The following NSFL1C variants were observed in gnomAD, a reference collection of about 807,000 sequenced individuals.
NSFL1C encodes the protein NSFL1 cofactor.
A neutral mutation model predicts 43.1 loss-of-function variants in NSFL1C; 14 were observed. The observed-to-expected ratio is 0.32, with a 90% CI of 0.21 to 0.51. NSFL1C has a LOEUF of 0.51. NSFL1C is among the 20% of genes least tolerant of loss of function. NSFL1C has a pLI of 0.98. For missense variants in NSFL1C, 406 were observed against 472.5 expected, an observed-to-expected ratio of 0.86 and a Z score of 1.30; for synonymous variants, 171 against 183.5, an observed-to-expected ratio of 0.93 and a Z score of 0.55.
At chr20:1,456,373 A>G (rs2090300451) in intron 3 of NSFL1C, 1 of 152,474 alleles carries the variant, frequency 6.6e-6, no homozygotes, top group South Asian at 2.1e-4. Context: ...AAATTAACAT[A>G]TATTTTTATA....
chr20:1,444,032 T>A, intron 8 of NSFL1C, 121 bp from the exon 9 acceptor site: 1 of 1,080,682 alleles, frequency 9.3e-7, no homozygotes, highest in Non-Finnish European at 1.3e-6. Context: ...CAGCGAAAGC[T>A]ACGCTCAGGC....
At chr20:1,456,248 G>T (rs577559485) in intron 3 of NSFL1C, 1 of 154,746 alleles carries the variant, frequency 6.5e-6, no homozygotes, top group South Asian at 2.0e-4. Context: ...TGAAATAAAG[G>T]AAGGTCACTG....
chr20:1,443,566 A>G lies in NSFL1C; in HGVS notation c.*183T>C. 1.9e-6 allele frequency: 1 copy of G among 532,966 alleles called. No homozygotes were observed. The highest frequency in any genetic ancestry group is 3.3e-6 in the Non-Finnish European group (1 of 306,842). 33.0% of individuals were successfully genotyped at this position (532,966 alleles called of 1,614,324 possible). A position where few individuals can be genotyped will look rare whatever the true frequency, so the allele number is the denominator to read the frequency against. ...TTAAAGTCCATTGATCATCACAAAA[A>G]CCCAGGAAATGCAACTAAGGAGAAA... On this transcript the variant is annotated 3_prime_UTR_variant, in exon 9 of 9. Coordinates refer to ENST00000216879, the MANE Select transcript of NSFL1C (RefSeq NM_016143.5).
chr20:1,458,626 T>C (rs1201657890), intron 2 of NSFL1C, among the ~76,000 whole-genome samples: 3 of 151,826 alleles, frequency 2.0e-5, no homozygotes, highest in Non-Finnish European at 4.4e-5. Flanking sequence ...CAGACTTAAG[T>C]AGTACAGACA....
intron 7 of NSFL1C, among the ~76,000 whole-genome samples, chr20:1,447,179 C>T (rs2090076750): frequency 6.6e-6 from 1 of 152,210 alleles, no homozygotes; most frequent in South Asian, 2.1e-4. Context: ...GAAGCTGCTT[C>T]TCTGCATCAG....
chr20:1,455,038 C>T lies in NSFL1C; in HGVS notation c.373G>A (p.Gly125Ser). 6.2e-7 allele frequency: 1 copy of T among 1,614,156 alleles called. No individual in the cohort carries two copies. The highest frequency in any genetic ancestry group is 1.1e-5 in the South Asian group (1 of 91,076). The stretch of plus-strand genomic sequence containing the variant: ...GCTACAGCTCCATGCTCTTTGGCAC[C>T]TTTAAAGAGATCATCCACCAGCTCG... ...PNELVDDLFK[G>S]AKEHGAVAVE... is the part of the protein sequence containing the mutation. The change falls in exon 4 of 9, where the codon GGT becomes AGT. Residue 125 changes from glycine (G) to serine (S), a missense_variant. By Grantham distance (56) the Gly-to-Ser change is moderately conservative. Transcript: ENST00000216879.
intron 7 of NSFL1C, chr20:1,446,122 G>C (rs768417351): frequency 4.2e-5 from 21 of 500,250 alleles, no homozygotes; most frequent in Non-Finnish European, 7.5e-5. Flanking sequence ...AACTGAACAA[G>C]GGCTTGAAGG....
Position 1,463,911 on chromosome 20 carries a change from G to T in NSFL1C, c.203+418C>A, listed in dbSNP as rs570120018. Reference sequence around the variant, plus strand: ...ACTTGGCAAAGGGTGGGTTACACAGGTTTATTTTGTACAAGACTTCTTAAT... The same window carrying T: ...ACTTGGCAAAGGGTGGGTTACACAGTTTTATTTTGTACAAGACTTCTTAAT... On this transcript the variant is annotated intron_variant, in intron 2 of 8. Coordinates refer to ENST00000216879, the MANE Select transcript of NSFL1C (RefSeq NM_016143.5). 3.6e-5 allele frequency: 6 copies of T among 165,324 alleles called. No individual in the cohort carries two copies. The South Asian group carries it at 1.1e-3, about 29-fold the overall frequency. The allele number at this position is 165,324 out of a possible 1,614,324, so 10.2% of individuals were successfully genotyped here. A position where few individuals can be genotyped will look rare whatever the true frequency, so the allele number is the denominator to read the frequency against.
At chr20:1,462,216 T>G (rs1408177374) in intron 2 of NSFL1C, among the ~76,000 whole-genome samples, 4 of 152,170 alleles carry the variant, frequency 2.6e-5, no homozygotes, top group African/African-American at 9.7e-5. Flanking sequence ...CTAAGTGTCC[T>G]GCAACTGCCA....
At chr20:1,448,237 T>A (rs2090108759) in intron 7 of NSFL1C, among the ~76,000 whole-genome samples, 1 of 152,180 alleles carries the variant, frequency 6.6e-6, no homozygotes, top group Non-Finnish European at 1.5e-5. Context: ...CAAGGAGAGT[T>A]GGTGTGATGC....
intron 3 of NSFL1C, chr20:1,455,653 A>C: frequency 1.3e-6 from 1 of 779,428 alleles, no homozygotes; most frequent in Non-Finnish European, 2.4e-6. Context: ...CCAGTGCACT[A>C]CTCTGTGACT....
chr20:1,454,978 T>A lies in NSFL1C; in HGVS notation c.433A>T (p.Ser145Cys), dbSNP rs756871266. 1.2e-5 allele frequency: 20 copies of A among 1,613,700 alleles called. No homozygotes were observed. Among genetic ancestry groups the A allele is most frequent in the Non-Finnish European group, 1.7e-5 (20 of 1,180,010 alleles). The change falls in exon 4 of 9, where the codon AGT becomes TGT. Residue 145 changes from serine (S) to cysteine (C), a missense_variant. This residue lies in a region of NSFL1C where 203 missense variants were observed against 216.3 expected (regional missense o/e 0.94). Coordinates refer to ENST00000216879, the MANE Select transcript of NSFL1C (RefSeq NM_016143.5). ...ERVTKSPGET[S>C]KPRPFAGGGY... ...ACCCTTATACTCACTCTCGGTTTAC[T>A]GGTCTCTCCAGGGCTCTTGGTCACT... is the stretch of plus-strand genomic sequence containing the variant.
chr20:1,453,419 G>C (rs1018684749), intron 5 of NSFL1C, among the ~76,000 whole-genome samples: 3 of 152,198 alleles, frequency 2.0e-5, no homozygotes, highest in African/African-American at 4.8e-5. Flanking sequence ...ATATGGCTCT[G>C]GGCAGGTGAC....
chr20:1,449,917 T>G (rs1189519744), intron 7 of NSFL1C, among the ~76,000 whole-genome samples: 1 of 152,142 alleles, frequency 6.6e-6, no homozygotes, highest in Non-Finnish European at 1.5e-5. Context: ...CTGTTTGCAA[T>G]TCGAACCTTC....
In NSFL1C at chr20:1,464,381, C is replaced by A; in HGVS notation, c.151G>T (p.Val51Leu). 5 of 1,614,274 alleles carry A rather than the reference C, an allele frequency of 3.1e-6. No individual in the cohort carries two copies. Among genetic ancestry groups the A allele is most frequent in the Non-Finnish European group, 4.2e-6 (5 of 1,180,048 alleles). ...FYEDGGDEDI[V>L]TISQATPSSV... ...CTGGGGGTTGCCTGCGAAATGGTCA[C>A]AATGTCTTCATCCCCTCCGTCCTCA... Residue 51 changes from valine (V) to leucine (L), a missense_variant, in exon 2 of 9, where the codon GTG (valine) becomes TTG (leucine). Transcript: ENST00000216879.
chr20:1,461,451 T>C (rs770038178), intron 2 of NSFL1C, among the ~76,000 whole-genome samples: 1 of 152,146 alleles, frequency 6.6e-6, no homozygotes, highest in Non-Finnish European at 1.5e-5. Flanking sequence ...CGGGCACACC[T>C]GATCAGGTGA....
intron 3 of NSFL1C, chr20:1,456,808 T>A (rs2090311027): frequency 6.6e-6 from 1 of 152,166 alleles, no homozygotes; most frequent in African/African-American, 2.4e-5. Flanking sequence ...TCCACAAAAA[T>A]GTTCATAGCA....
intron 3 of NSFL1C, among the ~76,000 whole-genome samples, chr20:1,457,488 TTTA>T (rs1240973308): frequency 1.3e-5 from 2 of 152,212 alleles, no homozygotes; most frequent in African/African-American, 4.8e-5. Context: ...ACAATGCTGT[TTTA>T]TTAACTATAT....
intron 7 of NSFL1C, among the ~76,000 whole-genome samples, chr20:1,448,490 C>T (rs6042354): frequency 0.65 from 99,452 of 152,098 alleles, 33,081 homozygotes; most frequent in East Asian, 0.79. Context: ...CAGCACGTCC[C>T]ATTGCAGACT....
Sources: gnomAD v4.1 joint callset for allele counts (sites outside exome capture counted in the v4.1 genomes callset) on GRCh38, gnomAD v4.1.1 for gene constraint, gnomAD v4.1.1 regional missense constraint, MANE v1.5 for transcripts, NCBI Gene and HGNC (gene_info 2026-07-23, HGNC 2026-07-21) for gene names.